ELP3: variants seen among roughly 807,000 people sequenced by gnomAD.
The protein encoded by ELP3 is elongator acetyltransferase complex subunit 3.
A neutral mutation model predicts 74.9 loss-of-function variants in ELP3; 56 were observed. That is an observed-to-expected ratio of 0.75 (90% confidence interval 0.60 to 0.93). ELP3 has a LOEUF of 0.93. ELP3 is among the 40% of genes least tolerant of loss of function. ELP3 has a pLI of 0.00. For missense variants in ELP3, 573 were observed against 686.5 expected (o/e 0.83, Z 1.85); for synonymous variants, 222 against 239.8 (o/e 0.93, Z 0.68).
intron 11 of ELP3, among the ~76,000 whole-genome samples, chr8:28,158,036 C>T (rs1813903817): frequency 7.7e-6 from 1 of 130,498 alleles, no homozygotes; most frequent in African/African-American, 3.0e-5. Context: ...CTTTCTTCCA[C>T]AGTGCCCTTC....
At chr8:28,145,491 T>C (rs1477741330) in intron 10 of ELP3, among the ~76,000 whole-genome samples, 1 of 152,246 alleles carries the variant, frequency 6.6e-6, no homozygotes, top group East Asian at 1.9e-4. Context: ...ATTTGTGTCT[T>C]TCTGTTCAGT....
intron 2 of ELP3, among the ~76,000 whole-genome samples, chr8:28,097,529 T>G: frequency 6.6e-6 from 1 of 152,014 alleles, no homozygotes; most frequent in African/African-American, 2.4e-5. Flanking sequence ...CCTGAGTAGC[T>G]GGGACTACAG....
At chr8:28,144,577 T>C (rs2130503839) in intron 10 of ELP3, among the ~76,000 whole-genome samples, 1 of 152,276 alleles carries the variant, frequency 6.6e-6, no homozygotes, top group East Asian at 1.9e-4. Context: ...ATGTAATTGC[T>C]CCACTGCACT....
chr8:28,190,289 A>G lies in ELP3; in HGVS notation c.*564A>G, dbSNP rs1204748190. ...AGAAATAAATAGCAGTGTGACTGGGAAAGAGGAATTGCAGTTGTGGGGGTG... is the reference window on the plus strand; with the variant it reads ...AGAAATAAATAGCAGTGTGACTGGGGAAGAGGAATTGCAGTTGTGGGGGTG... On this transcript the variant is annotated 3_prime_UTR_variant, in exon 15 of 15. Transcript: ENST00000256398. 6.6e-6 allele frequency: 1 copy of G among 152,318 alleles called. No individual in the cohort carries two copies. Among genetic ancestry groups the G allele is most frequent in the Non-Finnish European group, 1.5e-5 (1 of 68,056 alleles). 9.4% of individuals were successfully genotyped at this position (152,318 alleles called of 1,614,324 possible).
rs1813048687 is a variant in ELP3 at position 28,137,795 on chromosome 8, G to A, written c.1004G>A (p.Gly335Glu). The A allele has an allele frequency of 6.2e-7, 1 of 1,614,050 alleles. No individual in the cohort carries two copies. The highest frequency in any genetic ancestry group is 1.3e-5 in the African/African-American group (1 of 74,908). Residue 335 changes from glycine to glutamate, a missense_variant, in exon 10 of 15, where the codon GGA becomes GAA. Coordinates refer to ENST00000256398, the MANE Select transcript of ELP3 (RefSeq NM_018091.6). ...GGGCTTTATGAGCTTTGGAAATCAG[G>A]AAGATATAAGAGTTACTCTCCTAGT... ...GTGLYELWKS[G>E]RYKSYSPSDL...
chr8:28,152,358 A>C (rs1297981866), intron 10 of ELP3, among the ~76,000 whole-genome samples: 1 of 152,232 alleles, frequency 6.6e-6, no homozygotes, highest in Non-Finnish European at 1.5e-5. Flanking sequence ...TGCTAGATAT[A>C]AGTCCCTTAT....
chr8:28,108,097 A>G (rs1178511861), intron 5 of ELP3, 121 bp downstream of exon 5: 32 of 787,250 alleles, frequency 4.1e-5, no homozygotes, highest in Non-Finnish European at 1.6e-5. Context: ...TTCTGATTTT[A>G]AAAGCTGTTC....
In ELP3 at chr8:28,174,139, C is replaced by T. The variant is rs76052802; in HGVS notation, c.1567+12061C>T. On this transcript the variant is annotated intron_variant, in intron 14 of 14. Transcript: ENST00000256398. ...GTTTAAAGTGTTGTTCTAGTTCTCC[C>T]TTTCCTTATTGATCTTTTGTCTTAA... Among the ~76,000 whole-genome samples the T allele has an allele frequency of 3.8e-3, 577 of 152,080 alleles. 2 individuals are homozygous for T. Among genetic ancestry groups the T allele is most frequent in the Admixed American group, 6.7e-3 (102 of 15,280 alleles).
At chr8:28,120,105 G>A (rs1210382131) in intron 7 of ELP3, among the ~76,000 whole-genome samples, 1 of 152,030 alleles carries the variant, frequency 6.6e-6, no homozygotes, top group Non-Finnish European at 1.5e-5. Flanking sequence ...TTTCTCTTGG[G>A]GGAATAAATA....
chr8:28,120,243 A>G (rs982314858), intron 7 of ELP3, among the ~76,000 whole-genome samples: 6 of 152,178 alleles, frequency 3.9e-5, no homozygotes, highest in Admixed American at 6.5e-5. Context: ...TCACCAACAT[A>G]TGGTGTAGTC....
chr8:28,149,406 A>G (rs974181444), intron 10 of ELP3, among the ~76,000 whole-genome samples: 3 of 152,256 alleles, frequency 2.0e-5, no homozygotes, highest in Non-Finnish European at 4.4e-5. Context: ...GAGTTTTGGC[A>G]GATTGTATCT....
chr8:28,174,636 A>G (rs1814669133), intron 14 of ELP3, among the ~76,000 whole-genome samples: 1 of 152,128 alleles, frequency 6.6e-6, no homozygotes, highest in African/African-American at 2.4e-5. Flanking sequence ...TGTTTAATGA[A>G]TTTGCCTTTT....
chr8:28,116,477 C>T (rs956907550), intron 7 of ELP3, among the ~76,000 whole-genome samples: 6 of 152,330 alleles, frequency 3.9e-5, no homozygotes, highest in Middle Eastern at 3.4e-3. Context: ...TAGTGGCTCA[C>T]GCCTGTAATC....
chr8:28,178,150 T>C (rs1454874435), intron 14 of ELP3, among the ~76,000 whole-genome samples: 1 of 152,198 alleles, frequency 6.6e-6, no homozygotes, highest in Non-Finnish European at 1.5e-5. Flanking sequence ...ATAACAAAAC[T>C]GGGTAATTTA....
At chr8:28,126,246 C>G (rs1007850784) in intron 7 of ELP3, among the ~76,000 whole-genome samples, 14 of 152,112 alleles carry the variant, frequency 9.2e-5, no homozygotes, top group African/African-American at 3.4e-4. Context: ...TGTATTGGAG[C>G]TCTGTTTTGA....
At chr8:28,107,570 A>G (rs1811748078) in intron 4 of ELP3, among the ~76,000 whole-genome samples, 1 of 152,212 alleles carries the variant, frequency 6.6e-6, no homozygotes, top group Non-Finnish European at 1.5e-5. Flanking sequence ...AAAGGGGGGA[A>G]AGATTTTCTT....
chr8:28,106,307 G>T (rs187142836), intron 3 of ELP3, among the ~76,000 whole-genome samples: 1 of 151,976 alleles, frequency 6.6e-6, no homozygotes. Context: ...TTGGGAGGCC[G>T]AGGCGGGCGG....
chr8:28,106,457 G>A (rs987130176), intron 3 of ELP3, among the ~76,000 whole-genome samples: 11 of 148,814 alleles, frequency 7.4e-5, no homozygotes, highest in Non-Finnish European at 1.3e-4. Flanking sequence ...GGAGAATGGC[G>A]TGAACCCGGG....
rs769897270 is a variant in ELP3 at position 28,137,686 on chromosome 8, C to A, written c.907-12C>A. On this transcript the variant is annotated splice_polypyrimidine_tract_variant and intron_variant, in intron 9 of 14. Coordinates refer to ENST00000256398, the MANE Select transcript of ELP3 (RefSeq NM_018091.6). ...ACTAATGGAGAAGTCATTTTCTGTT[C>A]TCTATTCACAGGAGTTTTTTGAGAA... 4.3e-6 allele frequency: 7 copies of A among 1,610,176 alleles called. No individual in the cohort carries two copies. The highest frequency in any genetic ancestry group is 4.2e-6 in the Non-Finnish European group (5 of 1,178,968).
Sources: gnomAD v4.1 joint callset for allele counts (sites outside exome capture counted in the v4.1 genomes callset) on GRCh38, gnomAD v4.1.1 for gene constraint, MANE v1.5 for transcripts, NCBI Gene and HGNC (gene_info 2026-07-23, HGNC 2026-07-21) for gene names.